The following FHIT variants were observed in gnomAD, a reference collection of about 807,000 sequenced individuals.
FHIT encodes fragile histidine triad diadenosine triphosphatase.
In FHIT, 19 loss-of-function variants were observed where a neutral mutation model predicts 17.9. The ratio of observed to expected loss-of-function variants is 1.06; its 90% CI spans 0.74 to 1.56. The LOEUF (loss-of-function observed/expected upper bound fraction) is 1.56, where lower values mean the gene tolerates loss of function less well. FHIT is among the 40% of genes most tolerant of loss of function. FHIT has a pLI of 0.00. For missense variants in FHIT, 248 were observed against 189.2 expected, an observed-to-expected ratio of 1.31 and a Z score of -1.82; for synonymous variants, 81 against 69.7, an observed-to-expected ratio of 1.16 and a Z score of -0.81.
chr3:60,361,496 T>C (rs1342466229), intron 5 of FHIT, among the ~76,000 whole-genome samples: 1 of 152,122 alleles, frequency 6.6e-6, no homozygotes, highest in Non-Finnish European at 1.5e-5. Context: ...AGTGACTAGC[T>C]AGGATGCAAG....
chr3:60,392,952 G>C (rs958494599), intron 5 of FHIT, among the ~76,000 whole-genome samples: 1 of 152,258 alleles, frequency 6.6e-6, no homozygotes, highest in African/African-American at 2.4e-5. Flanking sequence ...CTTTAGCGGA[G>C]AAACAGCTAG....
chr3:59,983,528 A>C (rs563824449), intron 7 of FHIT, among the ~76,000 whole-genome samples: 1 of 152,246 alleles, frequency 6.6e-6, no homozygotes, highest in South Asian at 2.1e-4. Context: ...CTAATTTATA[A>C]ATTAAACTTC....
At chr3:60,112,914 T>G (rs932059251) in intron 5 of FHIT, among the ~76,000 whole-genome samples, 42 of 152,318 alleles carry the variant, frequency 2.8e-4, no homozygotes, top group Middle Eastern at 3.4e-3. Context: ...TTTAAGCCAT[T>G]TGCTGACTCA....
chr3:61,067,821 G>T (rs1199423020), intron 2 of FHIT, among the ~76,000 whole-genome samples: 3 of 152,176 alleles, frequency 2.0e-5, no homozygotes, highest in African/African-American at 7.2e-5. Context: ...CCCAAGCCTT[G>T]AGTTAACCCT....
At chr3:60,177,195 C>T (rs1333128699) in intron 5 of FHIT, among the ~76,000 whole-genome samples, 2 of 151,216 alleles carry the variant, frequency 1.3e-5, no homozygotes, top group East Asian at 3.9e-4. Context: ...AAATAAATAC[C>T]TGCCATTAAA....
rs1046190342 is a variant in FHIT, at chr3:60,243,987, C to T, written c.104-229835G>A. On this transcript the variant is annotated intron_variant, in intron 5 of 9. Transcript: ENST00000492590. ...ACACTCGGTTAAATGGTTTGTATAG[C>T]TGAAAAACTCAGACAGGTCTTACAC... Among the ~76,000 whole-genome samples the T allele has an allele frequency of 3.9e-4, 59 of 151,966 alleles. 2 individuals are homozygous for T. Among genetic ancestry groups the T allele is most frequent in the Admixed American group, 3.9e-3 (59 of 15,236 alleles).
chr3:59,977,794 C>T (rs907991820), intron 7 of FHIT, among the ~76,000 whole-genome samples: 1 of 152,088 alleles, frequency 6.6e-6, no homozygotes, highest in African/African-American at 2.4e-5. Context: ...ACAAAAAAGC[C>T]AAATAAACCA....
At chr3:60,237,906 C>T (rs60401635) in intron 5 of FHIT, among the ~76,000 whole-genome samples, 1 of 151,814 alleles carries the variant, frequency 6.6e-6, no homozygotes, top group Non-Finnish European at 1.5e-5. Context: ...GAGGCCGAGG[C>T]GGGTGGATCA....
intron 7 of FHIT, among the ~76,000 whole-genome samples, chr3:59,943,807 A>G (rs1462706388): frequency 6.6e-6 from 1 of 152,188 alleles, no homozygotes; most frequent in East Asian, 1.9e-4. Context: ...AAGGGACAGG[A>G]TAGTGGAGAA....
At chr3:59,785,113 G>A (rs1223622920) in intron 8 of FHIT, among the ~76,000 whole-genome samples, 1 of 151,984 alleles carries the variant, frequency 6.6e-6, no homozygotes, top group Admixed American at 6.6e-5. Flanking sequence ...CTATCACGAG[G>A]ATGGCATCAA....
At position 60,439,706 on chromosome 3, in the gene FHIT, A is replaced by G. The variant is rs368564167; in HGVS notation, c.103+97154T>C. ...GGCATCATGTGTCTCCCAACCCTTG[A>G]GTGTCAAGAATCACTCTTTTCTAAA... On this transcript the variant is annotated intron_variant, in intron 5 of 9. Transcript: ENST00000492590. 1.8e-4 allele frequency among the ~76,000 whole-genome samples: 28 copies of G among 152,186 alleles called. No individual in the cohort carries two copies. In the South Asian group the frequency reaches 5.4e-3, roughly 29 times the overall value.
At chr3:60,065,309 C>T (rs1033416863) in intron 5 of FHIT, among the ~76,000 whole-genome samples, 2 of 152,068 alleles carry the variant, frequency 1.3e-5, no homozygotes, top group African/African-American at 4.8e-5. Flanking sequence ...GAATCCTGAC[C>T]TGGCCATGAT....
At chr3:61,173,028 C>T (rs1423922724) in intron 2 of FHIT, among the ~76,000 whole-genome samples, 4 of 152,162 alleles carry the variant, frequency 2.6e-5, no homozygotes, top group Admixed American at 2.6e-4. Flanking sequence ...GAAATACTAC[C>T]ATGGAGGAGA....
intron 4 of FHIT, among the ~76,000 whole-genome samples, chr3:60,600,497 ATACCT>A (rs1553668393): frequency 6.6e-6 from 1 of 152,206 alleles, no homozygotes; most frequent in Non-Finnish European, 1.5e-5. Flanking sequence ...TAAAAAGCTA[ATACCT>A]TACCCAACAC....
chr3:59,789,604 C>T (rs1222258720), intron 8 of FHIT, among the ~76,000 whole-genome samples: 4 of 152,214 alleles, frequency 2.6e-5, no homozygotes, highest in East Asian at 3.9e-4. Context: ...CTTGGTAACT[C>T]GTTTTGTCTT....
rs1311050729 is a variant in FHIT, at chr3:60,418,412, ATATATATATATATACG to A, written c.103+118432_103+118447del. On this transcript the variant is annotated intron_variant, in intron 5 of 9. Coordinates refer to ENST00000492590, the MANE Select transcript of FHIT (RefSeq NM_002012.4). ...TATATATATATATATATATATATAT[ATATATATATATATACG>A]TGTATACACACACACCACAGACGAT... Among the ~76,000 whole-genome samples the A allele has an allele frequency of 1.0e-3, 88 of 84,844 alleles. 5 individuals are homozygous for A. Among genetic ancestry groups the A allele is most frequent in the Non-Finnish European group, 1.7e-3 (76 of 43,816 alleles). 55.7% of individuals were successfully genotyped at this position (84,844 alleles called of 152,430 possible).
rs537357265 is a variant in FHIT at position 60,582,329 on chromosome 3, A to T, written c.-17-45350T>A. Among the ~76,000 whole-genome samples, 138 of 152,236 alleles carry T rather than the reference A, an allele frequency of 9.1e-4. 2 individuals are homozygous for T. The highest frequency in any genetic ancestry group is 3.4e-3 in the Middle Eastern group (1 of 294). ...AATTGATGAATGCCCTCGTCAGAGCAGACTGGTGGCATTCAGAGAGCAGCA... is the reference window on the plus strand; with the variant it reads ...AATTGATGAATGCCCTCGTCAGAGCTGACTGGTGGCATTCAGAGAGCAGCA... On this transcript the variant is annotated intron_variant, in intron 4 of 9. Coordinates refer to ENST00000492590, the MANE Select transcript of FHIT (RefSeq NM_002012.4).
At chr3:60,575,986 A>G (rs1233879560) in intron 4 of FHIT, among the ~76,000 whole-genome samples, 5 of 152,094 alleles carry the variant, frequency 3.3e-5, no homozygotes, top group Non-Finnish European at 7.4e-5. Context: ...CACAGTTACT[A>G]TCGTCTGGCA....
chr3:60,902,578 G>A (rs1239254364), intron 3 of FHIT, among the ~76,000 whole-genome samples: 3 of 152,236 alleles, frequency 2.0e-5, no homozygotes, highest in Middle Eastern at 3.4e-3. Flanking sequence ...AACAATTTTC[G>A]ATTCAAGACA....
Sources: gnomAD v4.1 joint callset for allele counts (sites outside exome capture counted in the v4.1 genomes callset) on GRCh38, gnomAD v4.1.1 for gene constraint, MANE v1.5 for transcripts, NCBI Gene and HGNC (gene_info 2026-07-23, HGNC 2026-07-21) for gene names.